The following LEPR variants were observed in gnomAD, a reference collection of about 807,000 sequenced individuals.
LEPR encodes the protein leptin receptor.
In LEPR, 56 loss-of-function variants were observed where a neutral mutation model predicts 114.7. The observed-to-expected ratio is 0.49, with a 90% CI of 0.39 to 0.61. The LOEUF is 0.61. Ranked by LOEUF, LEPR falls within the 20% of genes least tolerant of loss-of-function variation. The probability of loss-of-function intolerance (pLI) is 0.00; values close to 1 mark genes in which losing one functional copy is unlikely to be tolerated. For synonymous variants in LEPR, 443 were observed against 461.4 expected, an observed-to-expected ratio of 0.96 and a Z score of 0.51; for missense variants, 1,202 against 1,352.9, an observed-to-expected ratio of 0.89 and a Z score of 1.75.
chr1:65,431,979 T>A, intron 2 of LEPR: 1 of 1,528,728 alleles, frequency 6.5e-7, no homozygotes. Context: ...TGTATACATG[T>A]GCACATGCGG....
At chr1:65,529,765 A>G (rs1442115034) in intron 2 of LEPR, among the ~76,000 whole-genome samples, 2 of 152,144 alleles carry the variant, frequency 1.3e-5, no homozygotes, top group African/African-American at 4.8e-5. Context: ...TACTGGTAGC[A>G]TTGTCACGGT....
intron 2 of LEPR, among the ~76,000 whole-genome samples, chr1:65,459,944 G>A (rs1317540868): frequency 1.3e-5 from 2 of 151,898 alleles, no homozygotes; most frequent in East Asian, 3.9e-4. Context: ...TAATATTTGG[G>A]TCTTTGTTAA....
intron 2 of LEPR, among the ~76,000 whole-genome samples, chr1:65,527,595 G>T (rs866042840): frequency 4.6e-5 from 7 of 152,244 alleles, no homozygotes; most frequent in South Asian, 2.1e-4. Context: ...GAATATTTCT[G>T]CCTCTTTTCG....
At chr1:65,592,199 T>G (rs1655739142) in intron 5 of LEPR, among the ~76,000 whole-genome samples, 1 of 151,858 alleles carries the variant, frequency 6.6e-6, no homozygotes, top group Admixed American at 6.6e-5. Context: ...ATTTATCATT[T>G]TAGTTAAATT....
intron 6 of LEPR, 83 bp from the exon 7 acceptor site, chr1:65,596,365 A>C (rs1425609550): frequency 6.4e-7 from 1 of 1,552,132 alleles, no homozygotes; most frequent in African/African-American, 1.4e-5. Flanking sequence ...ATATGATGAA[A>C]ATTTATCTTG....
chr1:65,572,045 T>G (rs1654220493), intron 4 of LEPR, among the ~76,000 whole-genome samples: 1 of 150,842 alleles, frequency 6.6e-6, no homozygotes, highest in African/African-American at 2.4e-5. Context: ...TCTTTTGTCC[T>G]ATTTAAGTGG....
In LEPR at chr1:65,596,540, C is replaced by T. The variant is rs753951036; in HGVS notation, c.796C>T (p.Pro266Ser). Residue 266 changes from proline to serine, a missense_variant, in exon 7 of 20, where the codon CCA (proline) becomes TCA (serine). By Grantham distance (74) the Pro-to-Ser change is moderately conservative. Transcript: ENST00000349533. The stretch of plus-strand genomic sequence containing the variant: ...GTCCAGCCCACCATTGGTACCATTT[C>T]CACTTCAATATCAAGTGAAATATTC... ...SWSSPPLVPF[P>S]LQYQVKYSEN... 6.2e-7 allele frequency: 1 copy of T among 1,612,576 alleles called. No homozygotes were observed. The highest frequency in any genetic ancestry group is 8.5e-7 in the Non-Finnish European group (1 of 1,179,082).
Position 65,641,492 on chromosome 1 carries a change from A to G in LEPR, c.*4477A>G, listed in dbSNP as rs184491733. The G allele has an allele frequency of 3.9e-5, 6 of 152,360 alleles. No homozygotes were observed. Among genetic ancestry groups the G allele is most frequent in the Admixed American group, 1.3e-4 (2 of 15,308 alleles). The allele number at this position is 152,360 out of a possible 1,614,324, so 9.4% of individuals were successfully genotyped here. ...AGAAAGCAGTGTACTTTATGACAGT[A>G]TATTTATCTTTTTATCATTATGAAT... On this transcript the variant is annotated 3_prime_UTR_variant, in exon 20 of 20. Transcript: ENST00000349533.
intron 2 of LEPR, among the ~76,000 whole-genome samples, chr1:65,472,280 TA>T (rs895222988): frequency 1.3e-5 from 2 of 152,034 alleles, no homozygotes; most frequent in African/African-American, 4.8e-5. Context: ...CCAGATGGTG[TA>T]ATTCATAAAC....
intron 3 of LEPR, among the ~76,000 whole-genome samples, chr1:65,569,174 C>T (rs1172737291): frequency 6.6e-6 from 1 of 152,074 alleles, no homozygotes; most frequent in Non-Finnish European, 1.5e-5. Context: ...ATTTAATTGT[C>T]TGGATGTACC....
chr1:65,451,456 A>C (rs1287105362), intron 2 of LEPR, among the ~76,000 whole-genome samples: 1 of 151,926 alleles, frequency 6.6e-6, no homozygotes, highest in African/African-American at 2.4e-5. Flanking sequence ...ATTTTTGTAT[A>C]AGGTGTAAGG....
chr1:65,545,485 T>G (rs1417331163), intron 2 of LEPR, among the ~76,000 whole-genome samples: 3 of 151,038 alleles, frequency 2.0e-5, no homozygotes, highest in African/African-American at 4.8e-5. Flanking sequence ...CCTGACTTTT[T>G]AATGATTGCC....
chr1:65,604,778 G>A (rs1237237101), intron 10 of LEPR, among the ~76,000 whole-genome samples: 2 of 152,188 alleles, frequency 1.3e-5, no homozygotes, highest in Non-Finnish European at 2.9e-5. Flanking sequence ...GATTCTTAGA[G>A]GAGCAGAACC....
At position 65,570,702 on chromosome 1, in the gene LEPR, C is replaced by A; in HGVS notation, c.270C>A (p.Cys90Ter). ...TATCCAAAACAACTTTCCACTGTTG[C>A]TTTCGGAGTGAGCAAGATAGAAACT... ...SNLSKTTFHC[C>*]FRSEQDRNCS... The change falls in exon 4 of 20, where the codon TGC (cysteine) becomes TGA (stop). Residue 90 changes from cysteine to a stop codon, truncating the protein, a stop_gained. Transcript: ENST00000349533. LOFTEE classifies it high-confidence loss of function. 6.2e-7 allele frequency: 1 copy of A among 1,613,554 alleles called. No homozygotes were observed. Among genetic ancestry groups the A allele is most frequent in the Non-Finnish European group, 8.5e-7 (1 of 1,179,606 alleles).
At chr1:65,454,572 G>T (rs1015906513) in intron 2 of LEPR, among the ~76,000 whole-genome samples, 1 of 152,072 alleles carries the variant, frequency 6.6e-6, no homozygotes, top group Non-Finnish European at 1.5e-5. Flanking sequence ...GAAATTCTGG[G>T]TTGAAAATTC....
At chr1:65,601,236 A>C (rs1460554348) in intron 8 of LEPR, among the ~76,000 whole-genome samples, 156 bp from the exon 9 acceptor site, 1 of 152,066 alleles carries the variant, frequency 6.6e-6, no homozygotes, top group Non-Finnish European at 1.5e-5. Flanking sequence ...AACTGTACAC[A>C]AACAGGTAAT....
intron 5 of LEPR, among the ~76,000 whole-genome samples, chr1:65,591,763 C>G (rs1302937381): frequency 6.6e-6 from 1 of 151,952 alleles, no homozygotes; most frequent in Non-Finnish European, 1.5e-5. Flanking sequence ...TTTAATCCAG[C>G]ATGATAATCT....
intron 17 of LEPR, 60 bp from the exon 18 acceptor site, chr1:65,621,293 C>A: frequency 6.9e-7 from 1 of 1,442,056 alleles, no homozygotes; most frequent in Non-Finnish European, 9.7e-7. Flanking sequence ...ATTTTTGATA[C>A]AGAAAGAAAT....
intron 8 of LEPR, 143 bp from the exon 9 acceptor site, chr1:65,601,249 C>A: frequency 1.0e-6 from 1 of 1,004,398 alleles, no homozygotes; most frequent in Non-Finnish European, 1.5e-6. Flanking sequence ...CAGGTAATTT[C>A]AGCATTATCC....
Sources: allele counts gnomAD v4.1 joint callset (sites outside exome capture counted in the v4.1 genomes callset), GRCh38; gene constraint gnomAD v4.1.1; transcripts MANE v1.5; gene names NCBI Gene and HGNC (gene_info 2026-07-23, HGNC 2026-07-21).